The following CIRBP variants were observed in gnomAD, a reference collection of about 807,000 sequenced individuals.
CIRBP encodes the protein cold inducible RNA binding protein, also known as cold-inducible RNA-binding protein.
A neutral mutation model predicts 22.3 loss-of-function variants in CIRBP; 11 were observed. That is an observed-to-expected ratio of 0.49 (90% CI 0.31 to 0.82). The LOEUF is 0.82. Among genes scored for constraint, CIRBP ranks in the 40% least tolerant of loss-of-function variants. The probability of loss-of-function intolerance (pLI) is 0.05; values close to 1 mark genes in which losing one functional copy is unlikely to be tolerated. For synonymous variants in CIRBP, 216 were observed against 158.8 expected (o/e 1.36, Z -2.71); for missense variants, 456 against 402.7 (o/e 1.13, Z -1.13).
At position 1,271,585 on chromosome 19, in the gene CIRBP, C is replaced by T. The variant is rs748698880; in HGVS notation, c.384C>T (p.Phe128=). 3.4e-5 allele frequency: 54 copies of T among 1,571,688 alleles called. No individual in the cohort carries two copies. In the African/African-American group the frequency reaches 5.0e-4, roughly 14 times the overall value. ...GGDRGYGGNR[F]ESRSGGYGGS... is the part of the protein sequence containing the mutation. ...ACCGAGGCTATGGGGGGAACCGGTT[C>T]GAGTCCAGGAGTGGGGGCTACGGAG... is the stretch of plus-strand genomic sequence containing the variant. Residue 128 remains phenylalanine, a synonymous_variant, in exon 5 of 6, where the codon TTC becomes TTT. Transcript: ENST00000587896.
intron 5 of CIRBP, 143 bp from the exon 6 acceptor site, chr19:1,271,838 C>T: frequency 1.3e-6 from 1 of 788,838 alleles, no homozygotes; most frequent in Non-Finnish European, 2.1e-6. Flanking sequence ...AGATTTTGAA[C>T]AATTTCCAAG....
intron 1 of CIRBP, chr19:1,269,778 C>T (rs770539303): frequency 2.1e-6 from 1 of 479,946 alleles, no homozygotes; most frequent in South Asian, 1.5e-5. Context: ...GGGCCGCTTT[C>T]CCGGCCTTGG....
rs532270728 is a variant in CIRBP, at chr19:1,269,563, G to C, written c.-7+153G>C. 1.7e-3 allele frequency among the ~76,000 whole-genome samples: 264 copies of C among 151,580 alleles called. 2 individuals carry two copies. The highest frequency in any genetic ancestry group is 5.9e-3 in the African/African-American group (244 of 41,454). On this transcript the variant is annotated intron_variant, in intron 1 of 5. Transcript: ENST00000587896. ...CGGCGGCGAGGGACAGCGGGAGATT[G>C]GGCCGAGTAGCGGCCAGAGGGCCTC...
rs758903631 is a variant in CIRBP, at chr19:1,271,101, C to T, written c.104-39C>T. On this transcript the variant is annotated intron_variant, in intron 2 of 5. Transcript: ENST00000587896. ...CTTGTGCTCCTCCTACCTGGAAGTA[C>T]AGCTGGGTGCTGACTGCAGACCTCT... is the stretch of plus-strand genomic sequence containing the variant. The T allele has an allele frequency of 1.2e-5, 19 of 1,610,658 alleles. No homozygotes were observed. In the Admixed American group the frequency reaches 2.5e-4, roughly 21 times the overall value.
chr19:1,273,089 T>C lies in CIRBP; in HGVS notation c.*646T>C, dbSNP rs1436534994. On this transcript the variant is annotated 3_prime_UTR_variant, in exon 6 of 6. Transcript: ENST00000587896. Reference sequence around the variant, plus strand: ...GGAAGACGTACGCATACTCCATCGATGTTGTATTTGCAGTGGCTGAGGAAT... The same window carrying C: ...GGAAGACGTACGCATACTCCATCGACGTTGTATTTGCAGTGGCTGAGGAAT... The C allele has an allele frequency of 1.3e-5, 2 of 152,262 alleles. No individual in the cohort carries two copies. Among genetic ancestry groups the C allele is most frequent in the East Asian group, 3.8e-4 (2 of 5,204 alleles). The allele number at this position is 152,262 out of a possible 1,614,324, so 9.4% of individuals were successfully genotyped here. A position where few individuals can be genotyped will look rare whatever the true frequency, so the allele number is the denominator to read the frequency against.
At position 1,272,909 on chromosome 19, in the gene CIRBP, TTC is replaced by T. The variant is rs1432027098; in HGVS notation, c.*468_*469del. ...GCTTTTTTCCAACTCCGTGTGACGT[TTC>T]TGAGTGTAGTGTGGTAGGACCCCGG... On this transcript the variant is annotated 3_prime_UTR_variant, in exon 6 of 6. Transcript: ENST00000587896. 1.3e-5 allele frequency: 2 copies of T among 158,984 alleles called. No individual in the cohort carries two copies. Among genetic ancestry groups the T allele is most frequent in the Non-Finnish European group, 2.8e-5 (2 of 72,110 alleles). 9.8% of individuals were successfully genotyped at this position (158,984 alleles called of 1,614,324 possible).
In CIRBP at chr19:1,272,649, GT is replaced by G. The variant is rs201218530; in HGVS notation, c.*215del. 4.8e-5 allele frequency: 20 copies of G among 417,910 alleles called. No homozygotes were observed. Among genetic ancestry groups the G allele is most frequent in the South Asian group, 2.0e-4 (3 of 14,922 alleles). The allele number at this position is 417,910 out of a possible 1,614,324, so 25.9% of individuals were successfully genotyped here. ...AGACTTTTCTTTTTAAGGAAGTGCT[GT>G]TTTTTTTTGAGGGTTTTCAAAACAT... On this transcript the variant is annotated 3_prime_UTR_variant, in exon 6 of 6. Transcript: ENST00000587896.
rs1297379471 is a variant in CIRBP, at chr19:1,272,129, A to C, written c.580A>C (p.Thr194Pro). The C allele has an allele frequency of 6.2e-7, 1 of 1,613,292 alleles. No homozygotes were observed. Among genetic ancestry groups the C allele is most frequent in the African/African-American group, 1.3e-5 (1 of 74,926 alleles). ...ARFTLVPSPS[T>P]LGWTLRPCHC... Reference sequence around the variant, plus strand: ...GTTCACCTTGGTGCCCTCTCCAAGCACTTTAGGCTGGACACTCAGACCTTG... The same window carrying C: ...GTTCACCTTGGTGCCCTCTCCAAGCCCTTTAGGCTGGACACTCAGACCTTG... The change falls in exon 6 of 6, where the codon ACT (threonine) becomes CCT (proline). Residue 194 changes from threonine (T) to proline (P), a missense_variant. Coordinates refer to ENST00000587896, the MANE Select transcript of CIRBP (RefSeq NM_001300829.2).
chr19:1,271,522 C>T (rs746110317), intron 4 of CIRBP, 29 bp from the exon 5 acceptor site: 5 of 1,598,038 alleles, frequency 3.1e-6, no homozygotes, highest in Non-Finnish European at 4.3e-6. Flanking sequence ...CTGGTGGGAG[C>T]TGGTACTCAC....
Position 1,269,949 on chromosome 19 carries a change from A to G in CIRBP, c.-7+539A>G, listed in dbSNP as rs370909081. 3.5e-4 allele frequency: 181 copies of G among 519,850 alleles called. No individual in the cohort carries two copies. The Middle Eastern group carries it at 3.5e-3, about 10-fold the overall frequency. The allele number at this position is 519,850 out of a possible 1,614,324, so 32.2% of individuals were successfully genotyped here. On this transcript the variant is annotated intron_variant, in intron 1 of 5. Transcript: ENST00000587896. ...TCTGCCACGTCGTGCTTTGCGCCCA[A>G]AGTTTGGTCCAAGTTGGCACAGCTC... is the stretch of plus-strand genomic sequence containing the variant.
intron 4 of CIRBP, 38 bp downstream of exon 4, chr19:1,271,505 G>A (rs2081339002): frequency 6.2e-7 from 1 of 1,601,894 alleles, no homozygotes. Context: ...GATGCTGTGA[G>A]GTACTGCTGG....
Position 1,271,792 on chromosome 19 carries a change from C to A in CIRBP, c.431+160C>A, listed in dbSNP as rs557438911. On this transcript the variant is annotated intron_variant, in intron 5 of 5. Transcript: ENST00000587896. The stretch of plus-strand genomic sequence containing the variant: ...AGGAGAGGAGACTGCTCAGGACATT[C>A]GCAGAAGCGGGAGGGCCTGGGGGAC... 26 of 703,794 alleles carry A rather than the reference C, an allele frequency of 3.7e-5. No individual in the cohort carries two copies. The Middle Eastern group carries it at 1.6e-3, about 44-fold the overall frequency. The allele number at this position is 703,794 out of a possible 1,614,324, so 43.6% of individuals were successfully genotyped here.
At chr19:1,269,659 C>A (rs2081299748) in intron 1 of CIRBP, among the ~76,000 whole-genome samples, 1 of 151,896 alleles carries the variant, frequency 6.6e-6, no homozygotes. Context: ...CGAGGCTGTG[C>A]CCAGCGAAAT....
chr19:1,269,684 G>C (rs1428943213), intron 1 of CIRBP: 2 of 313,444 alleles, frequency 6.4e-6, no homozygotes, highest in South Asian at 2.4e-5. Context: ...GGAGCGCCGA[G>C]TTCCCGGATG....
chr19:1,270,963 T>C lies in CIRBP; in HGVS notation c.30T>C (p.Val10=). The change falls in exon 2 of 6, where the codon GTT becomes GTC. Residue 10 remains valine (V), a synonymous_variant. Coordinates refer to ENST00000587896, the MANE Select transcript of CIRBP (RefSeq NM_001300829.2). ...CATCAGATGAAGGCAAACTTTTTGT[T>C]GGAGGGCTGAGTTTTGACACCAATG... MASDEGKLF[V]GGLSFDTNEQ... 6.2e-7 allele frequency: 1 copy of C among 1,614,052 alleles called. No individual in the cohort carries two copies. The highest frequency in any genetic ancestry group is 1.7e-5 in the Admixed American group (1 of 60,024).
At position 1,272,307 on chromosome 19, in the gene CIRBP, C is replaced by G; in HGVS notation, c.758C>G (p.Ser253Cys). ...TGCATGTGTGGCCGCAGGCCAGCCT[C>G]CCTCGGCTGTGGGGGGTGGTTGCTC... ...ARCMCGRRPA[S>C]LGCGGWLLPG... Residue 253 changes from serine to cysteine, a missense_variant, in exon 6 of 6, where the codon TCC (serine) becomes TGC (cysteine). Physicochemically the swap from Ser to Cys is moderately radical, Grantham distance 112. Transcript: ENST00000587896. 1.2e-6 allele frequency: 2 copies of G among 1,613,694 alleles called. No homozygotes were observed. Among genetic ancestry groups the G allele is most frequent in the Non-Finnish European group, 1.7e-6 (2 of 1,179,902 alleles).
chr19:1,269,876 G>T (rs1269829287), intron 1 of CIRBP: 1 of 519,886 alleles, frequency 1.9e-6, no homozygotes. Context: ...GGAAAGGACG[G>T]CCTCGTAAAT....
rs1448581687 is a variant in CIRBP at position 1,274,496 on chromosome 19, C to G, written c.*2053C>G. 3 of 390,756 alleles carry G rather than the reference C, an allele frequency of 7.7e-6. No homozygotes were observed. The highest frequency in any genetic ancestry group is 4.1e-5 in the African/African-American group (2 of 48,428). The allele number at this position is 390,756 out of a possible 1,614,324, so 24.2% of individuals were successfully genotyped here. A position where few individuals can be genotyped will look rare whatever the true frequency, so the allele number is the denominator to read the frequency against. On this transcript the variant is annotated 3_prime_UTR_variant, in exon 6 of 6. Coordinates refer to ENST00000587896, the MANE Select transcript of CIRBP (RefSeq NM_001300829.2). The stretch of plus-strand genomic sequence containing the variant: ...CGCTGAGCCCTGTCCCGGGCGGCAC[C>G]TGGGCGTTTCAGTGAGTCCTGCTCT...
At position 1,271,582 on chromosome 19, in the gene CIRBP, G is replaced by T. The variant is rs2081340852; in HGVS notation, c.381G>T (p.Arg127=). 6.3e-7 allele frequency: 1 copy of T among 1,576,038 alleles called. No homozygotes were observed. The highest frequency in any genetic ancestry group is 8.6e-7 in the Non-Finnish European group (1 of 1,162,960). ...GGGACCGAGGCTATGGGGGGAACCG[G>T]TTCGAGTCCAGGAGTGGGGGCTACG... The part of the protein sequence containing the change: ...GGGDRGYGGN[R]FESRSGGYGG... The change falls in exon 5 of 6, where the codon CGG becomes CGT. Residue 127 remains arginine, a synonymous_variant. Coordinates refer to ENST00000587896, the MANE Select transcript of CIRBP (RefSeq NM_001300829.2).
Sources: gnomAD v4.1 joint callset for allele counts (sites outside exome capture counted in the v4.1 genomes callset) on GRCh38, gnomAD v4.1.1 for gene constraint, MANE v1.5 for transcripts, NCBI Gene and HGNC (gene_info 2026-07-23, HGNC 2026-07-21) for gene names.